Variants in EXT1 observed in about 807,000 individuals in gnomAD.
EXT1 encodes exostosin-1.
A neutral mutation model predicts 82.5 loss-of-function variants in EXT1; 20 were observed. The observed-to-expected ratio is 0.24, with a 90% CI of 0.17 to 0.35. The LOEUF (loss-of-function observed/expected upper bound fraction) is 0.35, where lower values mean the gene tolerates loss of function less well. Among genes scored for constraint, EXT1 ranks in the 10% least tolerant of loss-of-function variants. The probability of loss-of-function intolerance (pLI) is 1.00; values close to 1 mark genes in which losing one functional copy is unlikely to be tolerated. For synonymous variants in EXT1, 348 were observed against 350.8 expected (o/e 0.99, Z 0.09); for missense variants, 757 against 936.5 (o/e 0.81, Z 2.50).
chr8:118,091,255 T>C (rs959604626), intron 1 of EXT1, among the ~76,000 whole-genome samples: 6 of 152,222 alleles, frequency 3.9e-5, no homozygotes, highest in African/African-American at 7.2e-5. Flanking sequence ...ACCAGGAACC[T>C]ACTTGTAGCT....
chr8:117,878,915 T>A (rs1163214742), intron 1 of EXT1, among the ~76,000 whole-genome samples: 3 of 152,242 alleles, frequency 2.0e-5, no homozygotes, highest in African/African-American at 7.2e-5. Flanking sequence ...TATGCTCCAC[T>A]TCTTCATGGT....
chr8:118,038,245 A>C (rs986633889), intron 1 of EXT1, among the ~76,000 whole-genome samples: 2 of 152,252 alleles, frequency 1.3e-5, no homozygotes, highest in Non-Finnish European at 2.9e-5. Context: ...AAAACACAAA[A>C]TATATGAAAA....
intron 1 of EXT1, among the ~76,000 whole-genome samples, chr8:117,906,646 C>T (rs17430610): frequency 6.6e-6 from 1 of 151,986 alleles, no homozygotes; most frequent in South Asian, 2.1e-4. Context: ...TACCCTGTAT[C>T]TTAAACTTCT....
At chr8:117,853,389 A>G (rs1812488356) in intron 1 of EXT1, among the ~76,000 whole-genome samples, 1 of 152,194 alleles carries the variant, frequency 6.6e-6, no homozygotes, top group Non-Finnish European at 1.5e-5. Flanking sequence ...TACTAAAAAT[A>G]TAAAAATTAG....
intron 1 of EXT1, among the ~76,000 whole-genome samples, chr8:118,009,484 T>C (rs1815849740): frequency 6.9e-6 from 1 of 144,006 alleles, no homozygotes; most frequent in African/African-American, 2.4e-5. Context: ...GTGGCCAACA[T>C]TTCCAGACTC....
At chr8:117,958,637 G>C (rs1445070242) in intron 1 of EXT1, among the ~76,000 whole-genome samples, 1 of 152,126 alleles carries the variant, frequency 6.6e-6, no homozygotes, top group Non-Finnish European at 1.5e-5. Context: ...AATGATAATA[G>C]TGAACTAGAG....
chr8:118,057,370 A>G (rs973878668), intron 1 of EXT1, among the ~76,000 whole-genome samples: 1 of 149,902 alleles, frequency 6.7e-6, no homozygotes, highest in Non-Finnish European at 1.5e-5. Context: ...TGAAACCCCA[A>G]CTCTACTAAA....
intron 1 of EXT1, among the ~76,000 whole-genome samples, chr8:118,108,452 A>G (rs1343170236): frequency 1.3e-5 from 2 of 152,228 alleles, no homozygotes; most frequent in African/African-American, 2.4e-5. Flanking sequence ...ACCCACAGGA[A>G]TAGGTCAATG....
At chr8:117,956,745 C>T (rs981677644) in intron 1 of EXT1, among the ~76,000 whole-genome samples, 1 of 152,154 alleles carries the variant, frequency 6.6e-6, no homozygotes, top group Admixed American at 6.5e-5. Flanking sequence ...CTGCATCCAG[C>T]CTTAAAATTA....
At chr8:118,032,587 T>G (rs948690058) in intron 1 of EXT1, among the ~76,000 whole-genome samples, 4 of 151,242 alleles carry the variant, frequency 2.6e-5, no homozygotes, top group Admixed American at 1.3e-4. Context: ...CTCGGCTGAC[T>G]GCATCCTCCG....
At chr8:118,038,222 C>T (rs1043306144) in intron 1 of EXT1, among the ~76,000 whole-genome samples, 1 of 152,266 alleles carries the variant, frequency 6.6e-6, no homozygotes, top group Non-Finnish European at 1.5e-5. Flanking sequence ...GGGTAGATAT[C>T]CTAATGGCAT....
intron 4 of EXT1, among the ~76,000 whole-genome samples, chr8:117,829,853 G>A (rs1371345172): frequency 6.6e-6 from 1 of 152,080 alleles, no homozygotes; most frequent in Non-Finnish European, 1.5e-5. Context: ...TTACAGGAGT[G>A]AGCCGCTGTG....
At chr8:117,809,528 T>C (rs1035646183) in intron 8 of EXT1, among the ~76,000 whole-genome samples, 1 of 150,788 alleles carries the variant, frequency 6.6e-6, no homozygotes, top group Non-Finnish European at 1.5e-5. Context: ...TTCCAGCTAC[T>C]GGGGAGGCTG....
intron 7 of EXT1, among the ~76,000 whole-genome samples, chr8:117,814,234 GGTGTGTGT>G (rs57727618): frequency 0.079 from 11,566 of 146,780 alleles, 568 homozygotes; most frequent in East Asian, 0.16. Flanking sequence ...CACACACAGT[GGTGTGTGT>G]GTGTGTGTGT....
chr8:117,846,356 C>T (rs1016473584), intron 1 of EXT1, among the ~76,000 whole-genome samples: 44 of 152,266 alleles, frequency 2.9e-4, no homozygotes, highest in African/African-American at 1.1e-3. Flanking sequence ...GATACACCTG[C>T]CTCGGCCTCC....
chr8:118,032,120 TTAC>T (rs1220588572), intron 1 of EXT1, among the ~76,000 whole-genome samples: 1 of 44,796 alleles, frequency 2.2e-5, no homozygotes, highest in Non-Finnish European at 4.8e-5. Flanking sequence ...GTTTTGGCCA[TTAC>T]TCAATGGCCA....
intron 1 of EXT1, among the ~76,000 whole-genome samples, chr8:117,962,635 C>A (rs1814723687): frequency 6.6e-6 from 1 of 152,146 alleles, no homozygotes; most frequent in African/African-American, 2.4e-5. Flanking sequence ...TGCCTGTAAT[C>A]CCAGCTCCTT....
At chr8:118,013,287 C>A (rs921081719) in intron 1 of EXT1, among the ~76,000 whole-genome samples, 1 of 152,132 alleles carries the variant, frequency 6.6e-6, no homozygotes, top group African/African-American at 2.4e-5. Flanking sequence ...TAGCTCACTG[C>A]AATCTTCATT....
chr8:118,004,811 G>GCTGATGATT, intron 1 of EXT1, among the ~76,000 whole-genome samples: 1 of 152,282 alleles, frequency 6.6e-6, no homozygotes, highest in Middle Eastern at 3.4e-3. Flanking sequence ...CTCCAAATAT[G>GCTGATGATT]CTGATGATTC....
Sources: allele counts gnomAD v4.1 joint callset (sites outside exome capture counted in the v4.1 genomes callset), GRCh38; gene constraint gnomAD v4.1.1; transcripts MANE v1.5; gene names NCBI Gene and HGNC (gene_info 2026-07-23, HGNC 2026-07-21).